LRRC20: variants seen among roughly 807,000 people sequenced by gnomAD.
The protein encoded by LRRC20 is leucine-rich repeat-containing protein 20.
In LRRC20, 11 loss-of-function variants were observed where a neutral mutation model predicts 14.4. The ratio of observed to expected loss-of-function variants is 0.77; its 90% CI spans 0.48 to 1.27. The LOEUF is 1.27. Ranked by LOEUF, LRRC20 falls within the 50% of genes most tolerant of loss-of-function variation. The pLI, the probability that LRRC20 is intolerant of heterozygous loss-of-function variation, is 0.00. For missense variants in LRRC20, 219 were observed against 251.2 expected (o/e 0.87, Z 0.87); for synonymous variants, 121 against 107.3 (o/e 1.13, Z -0.79).
At chr10:70,372,756 CTTTA>C (rs574451344) in intron 2 of LRRC20, among the ~76,000 whole-genome samples, 497 of 152,066 alleles carry the variant, frequency 3.3e-3, no homozygotes, top group Non-Finnish European at 5.4e-3. Flanking sequence ...ATGTGCCAGT[CTTTA>C]TTTAATCATA....
chr10:70,350,873 T>C (rs1391423565), intron 2 of LRRC20, among the ~76,000 whole-genome samples: 1 of 152,168 alleles, frequency 6.6e-6, no homozygotes, highest in African/African-American at 2.4e-5. Context: ...TGGCCGACGT[T>C]TGCCAAACTT....
chr10:70,325,976 T>C (rs1842302608), intron 3 of LRRC20, among the ~76,000 whole-genome samples: 1 of 152,100 alleles, frequency 6.6e-6, no homozygotes, highest in Admixed American at 6.5e-5. Flanking sequence ...TAAAGATAAA[T>C]GGTAAAATTC....
rs555793140 is a variant in LRRC20, at chr10:70,375,802, C to G, written c.82+650G>C. ...GACACACAGGTAACTGCACTGTATC[C>G]CCTGCTGCCCCTTGCACTTGGTGGA... On this transcript the variant is annotated intron_variant, in intron 2 of 4. Coordinates refer to ENST00000446961, the MANE Select transcript of LRRC20 (RefSeq NM_001278212.2). Among the ~76,000 whole-genome samples the G allele has an allele frequency of 4.6e-5, 7 of 152,148 alleles. No individual in the cohort carries two copies. The South Asian group carries it at 1.2e-3, about 27-fold the overall frequency.
chr10:70,314,566 T>C (rs781604109), intron 4 of LRRC20, among the ~76,000 whole-genome samples: 11 of 152,108 alleles, frequency 7.2e-5, no homozygotes, highest in Non-Finnish European at 1.3e-4. Context: ...CTTTAAAAAA[T>C]CATGAAGCCC....
chr10:70,355,664 A>G (rs1564637297), intron 2 of LRRC20, among the ~76,000 whole-genome samples: 2 of 152,316 alleles, frequency 1.3e-5, no homozygotes, highest in East Asian at 3.9e-4. Flanking sequence ...GAGTTTTACA[A>G]GCACTTAATG....
intron 4 of LRRC20, among the ~76,000 whole-genome samples, chr10:70,303,956 A>G (rs1383801571): frequency 1.3e-5 from 2 of 152,216 alleles, no homozygotes; most frequent in African/African-American, 2.4e-5. Context: ...AATGTCCTCA[A>G]TGCCAATGAA....
intron 4 of LRRC20, among the ~76,000 whole-genome samples, chr10:70,313,001 A>G (rs748712198): frequency 4.6e-5 from 7 of 152,238 alleles, no homozygotes; most frequent in Non-Finnish European, 8.8e-5. Flanking sequence ...CAGGTTGGCC[A>G]GCAAGGGTGG....
intron 4 of LRRC20, among the ~76,000 whole-genome samples, chr10:70,323,600 A>G (rs1434761850): frequency 1.3e-5 from 2 of 152,202 alleles, no homozygotes; most frequent in African/African-American, 4.8e-5. Flanking sequence ...CTTGTGGCCT[A>G]CAGTGGCCTG....
At chr10:70,372,510 C>T (rs1265004341) in intron 2 of LRRC20, among the ~76,000 whole-genome samples, 2 of 146,398 alleles carry the variant, frequency 1.4e-5, no homozygotes, top group African/African-American at 2.5e-5. Context: ...GGCGCAATCT[C>T]AGCTCACTGC....
intron 2 of LRRC20, among the ~76,000 whole-genome samples, chr10:70,363,546 A>G (rs1028798284): frequency 8.5e-5 from 13 of 152,186 alleles, no homozygotes; most frequent in African/African-American, 3.1e-4. Context: ...GAACTAAGGC[A>G]TCTTGCCTCA....
intron 4 of LRRC20, among the ~76,000 whole-genome samples, chr10:70,306,683 A>C (rs766991278): frequency 5.9e-5 from 9 of 152,034 alleles, no homozygotes; most frequent in Non-Finnish European, 1.3e-4. Flanking sequence ...TCTCCCTTGC[A>C]TCTAACAAGA....
At chr10:70,366,525 A>G (rs569473817) in intron 2 of LRRC20, among the ~76,000 whole-genome samples, 176 of 152,170 alleles carry the variant, frequency 1.2e-3, no homozygotes, top group African/African-American at 4.0e-3. Flanking sequence ...TTAATACTAT[A>G]AAAAAAGAAA....
intron 4 of LRRC20, among the ~76,000 whole-genome samples, chr10:70,312,833 G>A (rs1841720339): frequency 6.6e-6 from 1 of 152,198 alleles, no homozygotes; most frequent in Admixed American, 6.5e-5. Flanking sequence ...TGAGGTGCAG[G>A]AAGTATGGCG....
intron 3 of LRRC20, among the ~76,000 whole-genome samples, chr10:70,326,445 C>T (rs1842326354): frequency 6.6e-6 from 1 of 152,160 alleles, no homozygotes; most frequent in Admixed American, 6.5e-5. Flanking sequence ...CTCTTGCAGG[C>T]ACCTTGTGTC....
intron 3 of LRRC20, among the ~76,000 whole-genome samples, chr10:70,328,963 AC>A (rs573015485): frequency 3.3e-5 from 5 of 152,178 alleles, no homozygotes; most frequent in African/African-American, 4.8e-5. Context: ...GGATTATGGA[AC>A]CTTTGCAGAA....
intron 2 of LRRC20, among the ~76,000 whole-genome samples, chr10:70,364,287 C>T (rs113682293): frequency 1.7e-3 from 265 of 152,328 alleles, no homozygotes; most frequent in African/African-American, 6.2e-3. Context: ...AAAAGCAGCT[C>T]CCACTCCAGT....
intron 2 of LRRC20, 56 bp from the exon 3 acceptor site, chr10:70,340,758 T>C (rs559996286): frequency 1.9e-6 from 3 of 1,595,628 alleles, no homozygotes; most frequent in Admixed American, 1.7e-5. Context: ...GCCCGAGAAC[T>C]TGTCCCAGAC....
At chr10:70,324,174 G>T in intron 3 of LRRC20, 144 bp from the exon 4 acceptor site, 2 of 697,036 alleles carry the variant, frequency 2.9e-6, no homozygotes, top group Non-Finnish European at 4.8e-6. Flanking sequence ...CCCGCACAGG[G>T]CTGATTCCAT....
intron 4 of LRRC20, among the ~76,000 whole-genome samples, chr10:70,301,739 CAA>C: frequency 6.6e-6 from 1 of 152,168 alleles, no homozygotes; most frequent in East Asian, 1.9e-4. Flanking sequence ...TCAACTGCTT[CAA>C]AAAGTTAAAC....
Sources: allele counts gnomAD v4.1 joint callset (sites outside exome capture counted in the v4.1 genomes callset), GRCh38; gene constraint gnomAD v4.1.1; transcripts MANE v1.5; gene names NCBI Gene and HGNC (gene_info 2026-07-23, HGNC 2026-07-21).